The following GOLGA8J variants were observed in gnomAD, a reference collection of about 807,000 sequenced individuals.
The protein encoded by GOLGA8J is golgin subfamily A member 8J.
Under a neutral mutation model 67.7 loss-of-function variants are expected in GOLGA8J, and 19 were observed. That is an observed-to-expected ratio of 0.28 (90% CI 0.20 to 0.41). The LOEUF (loss-of-function observed/expected upper bound fraction) is 0.41, where lower values mean the gene tolerates loss of function less well. Ranked by LOEUF, GOLGA8J falls within the 10% of genes least tolerant of loss-of-function variation. The pLI, the probability that GOLGA8J is intolerant of heterozygous loss-of-function variation, is 1.00. For synonymous variants in GOLGA8J, 69 were observed against 215.9 expected (o/e 0.32, Z 5.97); for missense variants, 205 against 584.3 (o/e 0.35, Z 6.69).
Position 30,094,711 on chromosome 15 carries a change from ATAGGAATT to A in GOLGA8J, c.*1215_*1222del, listed in dbSNP as rs2057450925. On this transcript the variant is annotated 3_prime_UTR_variant, in exon 19 of 19. Coordinates refer to ENST00000567927, the MANE Select transcript of GOLGA8J (RefSeq NM_001282472.2). ...CTTCAACCACCTTGGTTACTCTGAC[ATAGGAATT>A]TACTTCTTTTTCTTTGAATGGAAAA... 2.4e-5 allele frequency among the ~76,000 whole-genome samples: 3 copies of A among 124,732 alleles called. No individual in the cohort carries two copies. In the East Asian group the frequency reaches 6.3e-4, roughly 26 times the overall value. 81.8% of individuals were successfully genotyped at this position (124,732 alleles called of 152,430 possible).
In GOLGA8J at chr15:30,093,197, G is replaced by C. The variant is rs1295630494; in HGVS notation, c.1681G>C (p.Ala561Pro). ...HNSADEPGPG[A>P]PAPQELGAAD... is the part of the protein sequence containing the mutation. ...CTCTGCTGATGAGCCCGGTCCAGGA[G>C]CCCCAGCCCCCCAGGAGCTTGGGGC... is the stretch of plus-strand genomic sequence containing the variant. The change falls in exon 18 of 19, where the codon GCC (alanine) becomes CCC (proline). Residue 561 changes from alanine to proline, a missense_variant. Ala to Pro is a conservative substitution (Grantham distance 27, BLOSUM62 -1). Coordinates refer to ENST00000567927, the MANE Select transcript of GOLGA8J (RefSeq NM_001282472.2). 1.9e-6 allele frequency: 3 copies of C among 1,567,126 alleles called. 1 individual carries two copies. Among genetic ancestry groups the C allele is most frequent in the South Asian group, 2.3e-5 (2 of 87,606 alleles).
chr15:30,094,120 C>A lies in GOLGA8J; in HGVS notation c.*621C>A, dbSNP rs1410054153. Among the ~76,000 whole-genome samples the A allele has an allele frequency of 6.8e-6, 1 of 146,630 alleles. No homozygotes were observed. The highest frequency in any genetic ancestry group is 1.5e-5 in the Non-Finnish European group (1 of 67,514). ...TGGGAGTGATAACCTTTTGGGGGAG[C>A]TTTTTAAATCTCACAGAAGAGGAAA... is the stretch of plus-strand genomic sequence containing the variant. On this transcript the variant is annotated 3_prime_UTR_variant, in exon 19 of 19. Transcript: ENST00000567927.
chr15:30,091,986 C>T lies in GOLGA8J; in HGVS notation c.1277-56C>T, dbSNP rs572870185. The T allele has an allele frequency of 6.8e-5, 107 of 1,584,342 alleles. 1 individual carries two copies. Among genetic ancestry groups the T allele is most frequent in the South Asian group, 3.3e-4 (29 of 88,330 alleles). On this transcript the variant is annotated intron_variant, in intron 14 of 18. Coordinates refer to ENST00000567927, the MANE Select transcript of GOLGA8J (RefSeq NM_001282472.2). ...CAGTGAGGGTGGAGGTAGAGGTGGGCCCACAGTACCTCCCTTGTTGGGTTG... is the reference window on the plus strand; with the variant it reads ...CAGTGAGGGTGGAGGTAGAGGTGGGTCCACAGTACCTCCCTTGTTGGGTTG...
Position 30,096,041 on chromosome 15 carries a change from C to A in GOLGA8J, c.*2542C>A, listed in dbSNP as rs1700253738. Among the ~76,000 whole-genome samples the A allele has an allele frequency of 7.4e-6, 1 of 134,350 alleles. No individual in the cohort carries two copies. Among genetic ancestry groups the A allele is most frequent in the Non-Finnish European group, 1.5e-5 (1 of 66,472 alleles). 88.1% of individuals were successfully genotyped at this position (134,350 alleles called of 152,430 possible). On this transcript the variant is annotated 3_prime_UTR_variant, in exon 19 of 19. Transcript: ENST00000567927. ...AAAGTGCATGCAGTCTTTTGCGATA[C>A]CTCATTCAGCCGAGTATTTGTGCTC...
At chr15:30,085,209 G>T (rs1405987537) in intron 2 of GOLGA8J, among the ~76,000 whole-genome samples, 2 of 70,866 alleles carry the variant, frequency 2.8e-5, no homozygotes, top group Non-Finnish European at 4.6e-5. Flanking sequence ...GTGAACCTGG[G>T]AGGTGGAGCT....
rs2057451379 is a variant in GOLGA8J, at chr15:30,094,756, AT to A, written c.*1258del. Among the ~76,000 whole-genome samples the A allele has an allele frequency of 7.7e-6, 1 of 129,266 alleles. No homozygotes were observed. Among genetic ancestry groups the A allele is most frequent in the African/African-American group, 4.4e-5 (1 of 22,852 alleles). 84.8% of individuals were successfully genotyped at this position (129,266 alleles called of 152,430 possible). On this transcript the variant is annotated 3_prime_UTR_variant, in exon 19 of 19. Coordinates refer to ENST00000567927, the MANE Select transcript of GOLGA8J (RefSeq NM_001282472.2). ...CTTTGAATGGAAAACACTTTAAAAA[AT>A]AATAGAAACATTATTATAAACTAAT...
chr15:30,094,225 T>A lies in GOLGA8J; in HGVS notation c.*726T>A, dbSNP rs1235844681. Among the ~76,000 whole-genome samples, 14 of 143,044 alleles carry A rather than the reference T, an allele frequency of 9.8e-5. 2 individuals carry two copies. Among genetic ancestry groups the A allele is most frequent in the Admixed American group, 2.7e-4 (4 of 14,750 alleles). 93.8% of individuals were successfully genotyped at this position (143,044 alleles called of 152,430 possible). A position where few individuals can be genotyped will look rare whatever the true frequency, so the allele number is the denominator to read the frequency against. On this transcript the variant is annotated 3_prime_UTR_variant, in exon 19 of 19. Coordinates refer to ENST00000567927, the MANE Select transcript of GOLGA8J (RefSeq NM_001282472.2). ...GCCCGGAATTAGCAGTGTATTATGG[T>A]GGTTCCCTTAGGATTTGTATGTGCT...
In GOLGA8J at chr15:30,089,878, G is replaced by A; in HGVS notation, c.1053G>A (p.Arg351=). ...TTCGGGAGCAGGAAGAGAGGCTTCG[G>A]AAGCAGGAGGAGAGGATTCAGGAGC... is the stretch of plus-strand genomic sequence containing the variant. The part of the protein sequence containing the change: ...ERIREQEERL[R]KQEERIQEQH... The change falls in exon 12 of 19, where the codon CGG becomes CGA. Residue 351 remains arginine, a synonymous_variant. Transcript: ENST00000567927. 6.5e-7 allele frequency: 1 copy of A among 1,531,256 alleles called. No individual in the cohort carries two copies. Among genetic ancestry groups the A allele is most frequent in the East Asian group, 2.3e-5 (1 of 43,548 alleles). The allele number at this position is 1,531,256 out of a possible 1,614,324, so 94.9% of individuals were successfully genotyped here.
chr15:30,094,586 G>A lies in GOLGA8J; in HGVS notation c.*1087G>A, dbSNP rs1371602869. Among the ~76,000 whole-genome samples, 1 of 126,930 alleles carries A rather than the reference G, an allele frequency of 7.9e-6. No individual in the cohort carries two copies. The highest frequency in any genetic ancestry group is 1.5e-5 in the Non-Finnish European group (1 of 66,098). The allele number at this position is 126,930 out of a possible 152,430, so 83.3% of individuals were successfully genotyped here. On this transcript the variant is annotated 3_prime_UTR_variant, in exon 19 of 19. Coordinates refer to ENST00000567927, the MANE Select transcript of GOLGA8J (RefSeq NM_001282472.2). ...CTAGTCAAGAATGAATTAGAGTGAA[G>A]GAAAGCTGTGTGACACCTGGCATTC...
chr15:30,084,679 G>A, intron 1 of GOLGA8J, 92 bp from the exon 2 acceptor site: 2 of 521,432 alleles, frequency 3.8e-6, no homozygotes, highest in South Asian at 2.2e-5. Flanking sequence ...AAATCAGATG[G>A]TGTGTAAGTG....
rs199796656 is a variant in GOLGA8J, at chr15:30,089,960, C to T, written c.1131+4C>T. 6.1e-5 allele frequency: 93 copies of T among 1,527,778 alleles called. 9 individuals are homozygous for T. Among genetic ancestry groups the T allele is most frequent in the South Asian group, 3.6e-4 (30 of 83,992 alleles). The allele number at this position is 1,527,778 out of a possible 1,614,324, so 94.6% of individuals were successfully genotyped here. On this transcript the variant is annotated splice_donor_region_variant and intron_variant, in intron 12 of 18. Coordinates refer to ENST00000567927, the MANE Select transcript of GOLGA8J (RefSeq NM_001282472.2). ...ACAGAGCGTCTTCAAGGAGCCGGTGCGTTGCCCAAACTGGGGAGCTTGCCC... is the reference window on the plus strand; with the variant it reads ...ACAGAGCGTCTTCAAGGAGCCGGTGTGTTGCCCAAACTGGGGAGCTTGCCC...
In GOLGA8J at chr15:30,095,378, T is replaced by C. The variant is rs2057457677; in HGVS notation, c.*1879T>C. ...TGAAAGAGTGCAAATATTCGGTCCT[T>C]GTGACTTCCACTGACTCTTCCAAAT... On this transcript the variant is annotated 3_prime_UTR_variant, in exon 19 of 19. Coordinates refer to ENST00000567927, the MANE Select transcript of GOLGA8J (RefSeq NM_001282472.2). Among the ~76,000 whole-genome samples, 1 of 142,522 alleles carries C rather than the reference T, an allele frequency of 7.0e-6. No homozygotes were observed. Among genetic ancestry groups the C allele is most frequent in the South Asian group, 2.2e-4 (1 of 4,454 alleles). 93.5% of individuals were successfully genotyped at this position (142,522 alleles called of 152,430 possible).
rs758993898 is a variant in GOLGA8J at position 30,092,115 on chromosome 15, G to T, written c.1350G>T (p.Pro450=). ...PRPMPSVPED[P]ESREAMSSFM... ...CCATGCCGAGTGTCCCAGAGGACCC[G>T]GAGAGCAGGGAGGCCATGGTGAGCC... Residue 450 remains proline (P), a synonymous_variant, in exon 15 of 19, where the codon CCG becomes CCT. Transcript: ENST00000567927. 1 of 1,551,318 alleles carries T rather than the reference G, an allele frequency of 6.4e-7. No homozygotes were observed. Among genetic ancestry groups the T allele is most frequent in the African/African-American group, 1.5e-5 (1 of 68,212 alleles).
intron 2 of GOLGA8J, 46 bp downstream of exon 2, chr15:30,084,936 G>C: frequency 6.7e-7 from 1 of 1,494,704 alleles, no homozygotes; most frequent in Non-Finnish European, 8.8e-7. Context: ...GGCCCAAGGG[G>C]CAGTAGAGGG....
chr15:30,093,284 C>G, intron 18 of GOLGA8J, 40 bp from the exon 19 acceptor site: 1 of 1,567,188 alleles, frequency 6.4e-7, no homozygotes, highest in Non-Finnish European at 8.6e-7. Flanking sequence ...GAAGAGGGGG[C>G]TCCCACTGTG....
chr15:30,090,323 G>T (rs1049530421), intron 13 of GOLGA8J, 43 bp downstream of exon 13: 4 of 1,149,074 alleles, frequency 3.5e-6, no homozygotes, highest in Non-Finnish European at 5.0e-6. Context: ...GAAGGGCTGG[G>T]AGGCGGGCAG....
chr15:30,096,545 A>G lies in GOLGA8J; in HGVS notation c.*3046A>G, dbSNP rs1267920247. On this transcript the variant is annotated 3_prime_UTR_variant, in exon 19 of 19. Coordinates refer to ENST00000567927, the MANE Select transcript of GOLGA8J (RefSeq NM_001282472.2). ...TTCCAGTCCAAAGTTTTATTTGCCA[A>G]GTTTTCTTAGAATGAATTTTACCAG... Among the ~76,000 whole-genome samples, 1 of 142,158 alleles carries G rather than the reference A, an allele frequency of 7.0e-6. No individual in the cohort carries two copies. The highest frequency in any genetic ancestry group is 1.5e-5 in the Non-Finnish European group (1 of 66,098). 93.3% of individuals were successfully genotyped at this position (142,158 alleles called of 152,430 possible).
intron 13 of GOLGA8J, among the ~76,000 whole-genome samples, chr15:30,090,716 A>G (rs1371973157): frequency 6.1e-5 from 8 of 131,394 alleles, no homozygotes; most frequent in African/African-American, 2.0e-4. Flanking sequence ...AATTAGCAGG[A>G]CATTGTGGCG....
Position 30,084,781 on chromosome 15 carries a change from A to AT in GOLGA8J, c.61dup (p.Trp21LeufsTer7), listed in dbSNP as rs1339474865. 40 of 1,138,394 alleles carry AT rather than the reference A, an allele frequency of 3.5e-5. 1 individual carries two copies. The highest frequency in any genetic ancestry group is 4.6e-5 in the Non-Finnish European group (40 of 860,596). 70.5% of individuals were successfully genotyped at this position (1,138,394 alleles called of 1,614,324 possible). A position where few individuals can be genotyped will look rare whatever the true frequency, so the allele number is the denominator to read the frequency against. On this transcript the variant is annotated frameshift_variant, in exon 2 of 19. Transcript: ENST00000567927. LOFTEE classifies it high-confidence loss of function. ...TCTTCTTTCCAACAGTTAAAAGAAT[A>AT]TTGGCAGAAAAACAGCCCTAGAGTT...
Sources: allele counts gnomAD v4.1 joint callset (sites outside exome capture counted in the v4.1 genomes callset), GRCh38; gene constraint gnomAD v4.1.1; transcripts MANE v1.5; gene names NCBI Gene and HGNC (gene_info 2026-07-23, HGNC 2026-07-21).